Variants in CAMKMT observed in about 807,000 individuals in gnomAD.
The protein encoded by CAMKMT is CaM KMT.
In CAMKMT, 53 loss-of-function variants were observed where a neutral mutation model predicts 48.0. The observed-to-expected ratio is 1.10, with a 90% confidence interval of 0.89 to 1.39. The LOEUF is 1.39. Among genes scored for constraint, CAMKMT ranks in the 40% most tolerant of loss-of-function variants. The pLI is 0.00. For synonymous variants in CAMKMT, 165 were observed against 152.3 expected (o/e 1.08, Z -0.61); for missense variants, 428 against 402.7 (o/e 1.06, Z -0.54).
chr2:44,631,445 G>T, intron 3 of CAMKMT: 1 of 574,080 alleles, frequency 1.7e-6, no homozygotes, highest in Non-Finnish European at 3.0e-6. Flanking sequence ...ACAAATCAAA[G>T]AGTTTAAATA....
chr2:44,524,682 T>C (rs1056496893), intron 3 of CAMKMT, among the ~76,000 whole-genome samples: 1 of 152,218 alleles, frequency 6.6e-6, no homozygotes, highest in Non-Finnish European at 1.5e-5. Flanking sequence ...AAATACTTTT[T>C]ATATCCCTCT....
At chr2:44,379,607 C>T (rs1280830968) in intron 2 of CAMKMT, among the ~76,000 whole-genome samples, 1 of 152,054 alleles carries the variant, frequency 6.6e-6, no homozygotes, top group Non-Finnish European at 1.5e-5. Flanking sequence ...AATATTACAA[C>T]CCTTATAGTG....
intron 3 of CAMKMT, among the ~76,000 whole-genome samples, chr2:44,681,066 C>T (rs970853616): frequency 2.0e-5 from 3 of 152,074 alleles, no homozygotes; most frequent in African/African-American, 7.2e-5. Context: ...TTTTTAAACT[C>T]TTATTCTTTT....
chr2:44,711,305 C>T (rs343960), intron 6 of CAMKMT, among the ~76,000 whole-genome samples: 19,029 of 152,112 alleles, frequency 0.13, 1,334 homozygotes, highest in South Asian at 0.18. Flanking sequence ...AATGGCATGT[C>T]ATTACAGGTG....
At position 44,566,199 on chromosome 2, in the gene CAMKMT, G is replaced by C. The variant is rs536177011; in HGVS notation, c.377-138084G>C. Among the ~76,000 whole-genome samples, 5 of 152,254 alleles carry C rather than the reference G, an allele frequency of 3.3e-5. No homozygotes were observed. The East Asian group carries it at 9.7e-4, about 29-fold the overall frequency. On this transcript the variant is annotated intron_variant, in intron 3 of 10. Coordinates refer to ENST00000378494, the MANE Select transcript of CAMKMT (RefSeq NM_024766.5). ...TCTGGCATGAATCATAATAAATTGG[G>C]ATCCCCCTGGACATAATGAACAGTA...
chr2:44,690,160 G>A (rs1231237636), intron 3 of CAMKMT, among the ~76,000 whole-genome samples: 3 of 152,150 alleles, frequency 2.0e-5, no homozygotes. Flanking sequence ...AGATTATAGT[G>A]AAAATAAAAT....
chr2:44,477,919 C>T (rs544826740), intron 3 of CAMKMT, among the ~76,000 whole-genome samples: 5 of 152,250 alleles, frequency 3.3e-5, no homozygotes, highest in Admixed American at 1.3e-4. Context: ...CACAAAGGGA[C>T]GGATGGTACT....
chr2:44,452,834 A>G (rs888008988), intron 3 of CAMKMT, among the ~76,000 whole-genome samples: 1 of 151,996 alleles, frequency 6.6e-6, no homozygotes, highest in East Asian at 1.9e-4. Context: ...TGATCAGTTT[A>G]GTTACCATCC....
intron 3 of CAMKMT, among the ~76,000 whole-genome samples, chr2:44,669,901 G>T (rs975006150): frequency 4.6e-5 from 7 of 152,188 alleles, no homozygotes; most frequent in African/African-American, 1.7e-4. Flanking sequence ...GCCTCCCAAA[G>T]TGCCAGGATT....
At chr2:44,470,015 A>G (rs563078728) in intron 3 of CAMKMT, among the ~76,000 whole-genome samples, 34 of 152,024 alleles carry the variant, frequency 2.2e-4, no homozygotes, top group African/African-American at 8.0e-4. Context: ...TAGATTTTCT[A>G]TATAGATATT....
intron 3 of CAMKMT, among the ~76,000 whole-genome samples, chr2:44,477,734 T>C (rs1668761064): frequency 6.6e-6 from 1 of 152,180 alleles, no homozygotes; most frequent in African/African-American, 2.4e-5. Context: ...AGAATAGTCA[T>C]TTGAAGAAAA....
intron 3 of CAMKMT, among the ~76,000 whole-genome samples, chr2:44,417,782 C>T (rs555765787): frequency 2.6e-4 from 40 of 152,310 alleles, no homozygotes; most frequent in Admixed American, 1.9e-3. Flanking sequence ...CGGTTCTATG[C>T]AGATTCCTGA....
At chr2:44,407,231 C>A (rs543985923) in intron 3 of CAMKMT, among the ~76,000 whole-genome samples, 1 of 152,096 alleles carries the variant, frequency 6.6e-6, no homozygotes, top group South Asian at 2.1e-4. Context: ...ATTTTGCTCC[C>A]TTCACAGCTT....
chr2:44,437,133 AC>A, intron 3 of CAMKMT, among the ~76,000 whole-genome samples: 1 of 151,806 alleles, frequency 6.6e-6, no homozygotes, highest in South Asian at 2.1e-4. Context: ...TTCCTTACCC[AC>A]CCCCCAACAG....
intron 3 of CAMKMT, among the ~76,000 whole-genome samples, chr2:44,668,304 C>G (rs753578443): frequency 2.0e-5 from 3 of 152,180 alleles, no homozygotes; most frequent in Non-Finnish European, 2.9e-5. Context: ...AATGAATGGA[C>G]CACCCTTGCT....
At chr2:44,739,952 T>C (rs1377810383) in intron 7 of CAMKMT, among the ~76,000 whole-genome samples, 1 of 152,026 alleles carries the variant, frequency 6.6e-6, no homozygotes, top group Admixed American at 6.5e-5. Flanking sequence ...CGTCCTAGAA[T>C]AGATCAAAGG....
chr2:44,517,042 T>A (rs1670866966), intron 3 of CAMKMT, among the ~76,000 whole-genome samples: 1 of 152,072 alleles, frequency 6.6e-6, no homozygotes, highest in Non-Finnish European at 1.5e-5. Flanking sequence ...CTGCCCGGCC[T>A]TGTGGTTTTG....
chr2:44,623,454 T>C (rs2103941438), intron 3 of CAMKMT, among the ~76,000 whole-genome samples: 1 of 152,290 alleles, frequency 6.6e-6, no homozygotes, highest in African/African-American at 2.4e-5. Flanking sequence ...TTTTTATAGG[T>C]TGAGGTCTTC....
rs1292800198 is a variant in CAMKMT, at chr2:44,607,948, A to T, written c.377-96335A>T. On this transcript the variant is annotated intron_variant, in intron 3 of 10. Coordinates refer to ENST00000378494, the MANE Select transcript of CAMKMT (RefSeq NM_024766.5). The stretch of plus-strand genomic sequence containing the variant: ...GCATGACTGATCTTATTCCACTTAT[A>T]TCTCCATTCACCACCCTTCTCCCAC... Among the ~76,000 whole-genome samples, 3 of 151,904 alleles carry T rather than the reference A, an allele frequency of 2.0e-5. No individual in the cohort carries two copies. In the East Asian group the frequency reaches 5.8e-4, roughly 29 times the overall value.
Sources: allele counts gnomAD v4.1 joint callset (sites outside exome capture counted in the v4.1 genomes callset), GRCh38; gene constraint gnomAD v4.1.1; transcripts MANE v1.5; gene names NCBI Gene and HGNC (gene_info 2026-07-23, HGNC 2026-07-21).